RUBCN: variants seen among roughly 807,000 people sequenced by gnomAD.
The protein encoded by RUBCN is run domain Beclin-1-interacting and cysteine-rich domain-containing protein.
In RUBCN, 74 loss-of-function variants were observed where a neutral mutation model predicts 113.2. The ratio of observed to expected loss-of-function variants is 0.65; its 90% CI spans 0.54 to 0.79. The LOEUF (loss-of-function observed/expected upper bound fraction) is 0.79. Ranked by LOEUF, RUBCN falls within the 30% of genes least tolerant of loss-of-function variation. The pLI is 0.00. For synonymous variants in RUBCN, 480 were observed against 490.0 expected (o/e 0.98, Z 0.27); for missense variants, 1,109 against 1,251.7 (o/e 0.89, Z 1.72).
At chr3:197,696,462 CAG>C (rs901372181) in intron 8 of RUBCN, among the ~76,000 whole-genome samples, 1 of 151,894 alleles carries the variant, frequency 6.6e-6, no homozygotes, top group African/African-American at 2.4e-5. Context: ...GTAGAATAAA[CAG>C]AGAGAATCCT....
At chr3:197,711,425 T>C (rs1262336827) in intron 2 of RUBCN, among the ~76,000 whole-genome samples, 7 of 152,218 alleles carry the variant, frequency 4.6e-5, no homozygotes, top group Admixed American at 4.6e-4. Flanking sequence ...TTACAAAACA[T>C]ATTAAGTGAA....
At chr3:197,685,556 A>C (rs1312976397) in intron 11 of RUBCN, among the ~76,000 whole-genome samples, 1 of 152,238 alleles carries the variant, frequency 6.6e-6, no homozygotes, top group African/African-American at 2.4e-5. Flanking sequence ...GGGCTCATAT[A>C]CAAACATATA....
intron 1 of RUBCN, among the ~76,000 whole-genome samples, chr3:197,731,600 T>C (rs968378393): frequency 4.0e-5 from 6 of 149,664 alleles, no homozygotes; most frequent in African/African-American, 1.5e-4. Context: ...ACCTCCCGGA[T>C]GGGGCGGCTG....
chr3:197,677,783 G>A (rs1448788403), intron 16 of RUBCN, among the ~76,000 whole-genome samples: 1 of 147,568 alleles, frequency 6.8e-6, no homozygotes, highest in Non-Finnish European at 1.5e-5. Flanking sequence ...GCTCTAACTC[G>A]ACACCTGGCT....
At chr3:197,724,576 G>T (rs1726534247) in intron 1 of RUBCN, among the ~76,000 whole-genome samples, 1 of 152,166 alleles carries the variant, frequency 6.6e-6, no homozygotes, top group South Asian at 2.1e-4. Flanking sequence ...ATCTGGGACA[G>T]GCCCATGGAT....
chr3:197,724,194 A>G (rs1051000772), intron 1 of RUBCN, among the ~76,000 whole-genome samples: 6 of 152,164 alleles, frequency 3.9e-5, no homozygotes, highest in Non-Finnish European at 7.4e-5. Context: ...TGACCCAAAT[A>G]AGTATATCTG....
chr3:197,679,732 G>A (rs1240156035), intron 16 of RUBCN, among the ~76,000 whole-genome samples: 1 of 138,064 alleles, frequency 7.2e-6, no homozygotes, highest in African/African-American at 2.8e-5. Flanking sequence ...ACTGTCCTAC[G>A]CTCTGACAAC....
At chr3:197,682,362 G>A (rs550338737) in intron 14 of RUBCN, 108 bp downstream of exon 14, 6 of 1,302,060 alleles carry the variant, frequency 4.6e-6, no homozygotes, top group South Asian at 1.3e-5. Flanking sequence ...TGAAGAGAAC[G>A]GTGTGGGAAG....
intron 5 of RUBCN, among the ~76,000 whole-genome samples, chr3:197,702,301 A>G (rs540410757): frequency 3.3e-5 from 5 of 152,380 alleles, no homozygotes; most frequent in African/African-American, 1.2e-4. Flanking sequence ...GACATGATAC[A>G]TTTATCATAC....
chr3:197,680,227 T>C (rs1484192106), intron 16 of RUBCN, among the ~76,000 whole-genome samples: 5 of 124,402 alleles, frequency 4.0e-5, no homozygotes, highest in Non-Finnish European at 6.8e-5. Flanking sequence ...GACTGTCCTG[T>C]GCTCTAACTG....
chr3:197,739,731 A>G (rs1580418340), upstream of RUBCN, among the ~76,000 whole-genome samples: 1 of 151,996 alleles, frequency 6.6e-6, no homozygotes, highest in South Asian at 2.1e-4. Flanking sequence ...AAAAAAGGCA[A>G]TCAGCTTTAT....
Position 197,683,922 on chromosome 3 carries a change from A to G in RUBCN, c.1847+235T>C, listed in dbSNP as rs1033239744. 2.6e-5 allele frequency among the ~76,000 whole-genome samples: 4 copies of G among 152,148 alleles called. No individual in the cohort carries two copies. The highest frequency in any genetic ancestry group is 4.4e-5 in the Non-Finnish European group (3 of 68,030). ...GGGGCCTCTGGTTATGATGAGAGTC[A>G]GCAGAGAAGGAATAACTCACTTCCA... On this transcript the variant is annotated intron_variant, in intron 12 of 19. Coordinates refer to ENST00000296343, the MANE Select transcript of RUBCN (RefSeq NM_014687.4). This position sits in a 1 kb window ranked among gnomAD's most constrained non-coding sequence, Gnocchi z 4.6.
chr3:197,734,118 G>A (rs956665967), intron 1 of RUBCN, among the ~76,000 whole-genome samples: 1 of 151,984 alleles, frequency 6.6e-6, no homozygotes, highest in Admixed American at 6.6e-5. Context: ...TTAGCTGGGC[G>A]TGGTGGCGGG....
chr3:197,674,509 A>G lies in RUBCN; in HGVS notation c.*509T>C, dbSNP rs755656414. 3.9e-6 allele frequency: 2 copies of G among 511,208 alleles called. No individual in the cohort carries two copies. The highest frequency in any genetic ancestry group is 8.0e-6 in the Non-Finnish European group (2 of 249,006). 31.7% of individuals were successfully genotyped at this position (511,208 alleles called of 1,614,324 possible). ...GACGAAATGCCCATGACGTAGTCCTATTCTCTGCTGCTTCTCCTCGGGGCA... is the reference window on the plus strand; with the variant it reads ...GACGAAATGCCCATGACGTAGTCCTGTTCTCTGCTGCTTCTCCTCGGGGCA... On this transcript the variant is annotated 3_prime_UTR_variant, in exon 20 of 20. Coordinates refer to ENST00000296343, the MANE Select transcript of RUBCN (RefSeq NM_014687.4).
chr3:197,690,663 G>C (rs1722325065), intron 11 of RUBCN, among the ~76,000 whole-genome samples: 1 of 152,192 alleles, frequency 6.6e-6, no homozygotes, highest in South Asian at 2.1e-4. Context: ...AAGTTCTAAA[G>C]AGACAGTAAG....
intron 2 of RUBCN, among the ~76,000 whole-genome samples, chr3:197,706,055 T>C (rs1459098474): frequency 6.6e-6 from 1 of 152,196 alleles, no homozygotes. Flanking sequence ...CCTTTCTCTC[T>C]ACCGTTCTGT....
Position 197,669,401 on chromosome 3 carries a change from T to C in RUBCN, c.*5617A>G, listed in dbSNP as rs1039837383. On this transcript the variant is annotated 3_prime_UTR_variant, in exon 20 of 20. Transcript: ENST00000296343. ...CCTTGTTTTCGAGACCTTGGCAATT[T>C]TGAGTAGGGTCAAGTGTTTTGTAGA... 1.3e-5 allele frequency among the ~76,000 whole-genome samples: 2 copies of C among 152,242 alleles called. No individual in the cohort carries two copies. Among genetic ancestry groups the C allele is most frequent in the Non-Finnish European group, 2.9e-5 (2 of 68,036 alleles).
chr3:197,673,476 GCC>G lies in RUBCN; in HGVS notation c.*1540_*1541del, dbSNP rs1430764848. ...CCAGCAAGCAACTATGAGAAGACATGCCCATGGGCAGAATTCAATCCCAGAAC... is the reference window on the plus strand; with the variant it reads ...CCAGCAAGCAACTATGAGAAGACATGCATGGGCAGAATTCAATCCCAGAAC... On this transcript the variant is annotated 3_prime_UTR_variant, in exon 20 of 20. Coordinates refer to ENST00000296343, the MANE Select transcript of RUBCN (RefSeq NM_014687.4). The G allele has an allele frequency of 1.3e-5, 2 of 152,264 alleles. No homozygotes were observed. Among genetic ancestry groups the G allele is most frequent in the African/African-American group, 4.8e-5 (2 of 41,448 alleles). The allele number at this position is 152,264 out of a possible 1,614,324, so 9.4% of individuals were successfully genotyped here. A position where few individuals can be genotyped will look rare whatever the true frequency, so the allele number is the denominator to read the frequency against.
At chr3:197,746,284 C>G (rs1015896748) in intron 1 of RUBCN, among the ~76,000 whole-genome samples, 2 of 152,172 alleles carry the variant, frequency 1.3e-5, no homozygotes, top group Admixed American at 1.3e-4. Context: ...CTTATATAGG[C>G]AGAAACAGTT....
Sources: gnomAD v4.1 joint callset for allele counts (sites outside exome capture counted in the v4.1 genomes callset) on GRCh38, gnomAD v4.1.1 for gene constraint, Gnocchi (gnomAD v3.1) non-coding constraint, MANE v1.5 for transcripts, NCBI Gene and HGNC (gene_info 2026-07-23, HGNC 2026-07-21) for gene names.